OTUD5: variants seen among roughly 807,000 people sequenced by gnomAD.
OTUD5 encodes OTU domain-containing protein 5.
In OTUD5, 2 loss-of-function variants were observed where a neutral mutation model predicts 36.3. That is an observed-to-expected ratio of 0.06 (90% confidence interval 0.02 to 0.17). The LOEUF (loss-of-function observed/expected upper bound fraction) is 0.17, where lower values mean the gene tolerates loss of function less well. Ranked by LOEUF, OTUD5 falls within the 10% of genes least tolerant of loss-of-function variation. The probability of loss-of-function intolerance (pLI) is 1.00; values close to 1 mark genes in which losing one functional copy is unlikely to be tolerated. For missense variants in OTUD5, 233 were observed against 512.3 expected (o/e 0.45, Z 5.26); for synonymous variants, 234 against 214.9 (o/e 1.09, Z -0.78).
upstream of OTUD5, chrX:48,957,722 C>A (rs2064279374): frequency 1.4e-6 from 1 of 690,836 alleles, no homozygotes. Flanking sequence ...CCCTCGGCGG[C>A]GGAGGAGGCG....
chrX:48,925,966 G>A lies in OTUD5; in HGVS notation c.1144C>T (p.Arg382Trp). ...TTTGTGGCCTCCCAGTCTGTGGCCCGTTTCTTGTCTTCTAGCATCTGCTGT... is the reference window on the plus strand; with the variant it reads ...TTTGTGGCCTCCCAGTCTGTGGCCCATTTCTTGTCTTCTAGCATCTGCTGT... ...IEQQMLEDKK[R>W]ATDWEATNEA... is the part of the protein sequence containing the mutation. The change falls in exon 6 of 9, where the codon CGG becomes TGG. Residue 382 changes from arginine to tryptophan, a missense_variant. By Grantham distance (101) the Arg-to-Trp change is moderately radical. Coordinates refer to ENST00000376488, the MANE Select transcript of OTUD5 (RefSeq NM_001136157.2). 2 of 1,208,740 alleles carry A rather than the reference G, an allele frequency of 1.7e-6. No individual in the cohort carries two copies. Among genetic ancestry groups the A allele is most frequent in the Non-Finnish European group, 2.2e-6 (2 of 892,937 alleles).
rs2063593957 is a variant in OTUD5, at chrX:48,922,311, C to T, written c.*863G>A. On this transcript the variant is annotated 3_prime_UTR_variant, in exon 9 of 9. Coordinates refer to ENST00000376488, the MANE Select transcript of OTUD5 (RefSeq NM_001136157.2). Reference sequence around the variant, plus strand: ...GCCCCATCTGCCAAGGCTGCTCCCACACTCCCTACACTCAAATCCCGGGTG... The same window carrying T: ...GCCCCATCTGCCAAGGCTGCTCCCATACTCCCTACACTCAAATCCCGGGTG... 1 of 119,252 alleles carries T rather than the reference C, an allele frequency of 8.4e-6. No individual in the cohort carries two copies. Among genetic ancestry groups the T allele is most frequent in the African/African-American group, 3.2e-5 (1 of 30,898 alleles). The allele number at this position is 119,252 out of a possible 1,213,427, so 9.8% of individuals were successfully genotyped here.
At chrX:48,936,808 T>G (rs1163830505) in intron 2 of OTUD5, among the ~76,000 whole-genome samples, 1 of 111,905 alleles carries the variant, frequency 8.9e-6, no homozygotes, top group East Asian at 2.8e-4. Context: ...CATGCAAGTC[T>G]GATTTCCACT....
intron 6 of OTUD5, 73 bp from the exon 7 acceptor site, chrX:48,924,125 T>A: frequency 1.0e-6 from 1 of 992,530 alleles, no homozygotes; most frequent in Non-Finnish European, 1.4e-6. Context: ...CCCTGAATGC[T>A]GGCTCCCTTC....
At chrX:48,957,651 G>A (rs781815107), upstream of OTUD5, 6,148 of 789,434 alleles carry the variant, frequency 7.8e-3, 22 homozygotes, top group Non-Finnish European at 8.4e-3. Context: ...CTAGTGTAGT[G>A]CGCGAGGCAC....
chrX:48,956,548 T>C (rs2064244346), intron 1 of OTUD5, among the ~76,000 whole-genome samples: 1 of 111,458 alleles, frequency 9.0e-6, no homozygotes, highest in Non-Finnish European at 1.9e-5. Flanking sequence ...CTTATTTGAC[T>C]TTCCTGGAAG....
At chrX:48,924,125 T>C in intron 6 of OTUD5, 73 bp from the exon 7 acceptor site, 1 of 992,530 alleles carries the variant, frequency 1.0e-6, no homozygotes, top group Admixed American at 2.6e-5. Context: ...CCCTGAATGC[T>C]GGCTCCCTTC....
chrX:48,931,293 A>G (rs1001165160), intron 5 of OTUD5, among the ~76,000 whole-genome samples: 2 of 112,275 alleles, frequency 1.8e-5, no homozygotes, highest in African/African-American at 6.5e-5. Context: ...TGTAATGACA[A>G]TGGCACTTTA....
intron 5 of OTUD5, among the ~76,000 whole-genome samples, chrX:48,929,225 A>T (rs781806010): frequency 9.3e-6 from 1 of 107,732 alleles, no homozygotes; most frequent in Non-Finnish European, 1.9e-5. Context: ...TGTCTCTACT[A>T]AAAATCAAAA....
chrX:48,924,617 C>G (rs1488099588), intron 6 of OTUD5, among the ~76,000 whole-genome samples: 1 of 111,812 alleles, frequency 8.9e-6, no homozygotes, highest in Non-Finnish European at 1.9e-5. Flanking sequence ...TCGGATACAC[C>G]GGCCTCCCTC....
chrX:48,922,396 G>T lies in OTUD5; in HGVS notation c.*778C>A. 3.4e-6 allele frequency: 1 copy of T among 294,916 alleles called. No individual in the cohort carries two copies. Among genetic ancestry groups the T allele is most frequent in the Non-Finnish European group, 4.6e-6 (1 of 219,356 alleles). 24.3% of individuals were successfully genotyped at this position (294,916 alleles called of 1,213,427 possible). A position where few individuals can be genotyped will look rare whatever the true frequency, so the allele number is the denominator to read the frequency against. ...AGATTCCAAAGAAGCTAGTGGTGGT[G>T]GAAGCAAAAGGAATGCAGCAAGGTC... On this transcript the variant is annotated 3_prime_UTR_variant, in exon 9 of 9. Transcript: ENST00000376488.
At chrX:48,944,684 G>T (rs1034094513) in intron 1 of OTUD5, among the ~76,000 whole-genome samples, 1 of 111,940 alleles carries the variant, frequency 8.9e-6, no homozygotes, top group Non-Finnish European at 1.9e-5. Context: ...GGGGTAACTA[G>T]CAAGAGCCTA....
In OTUD5 at chrX:48,956,312, C is replaced by T. The variant is rs782325125; in HGVS notation, c.594+665G>A. 3.8e-5 allele frequency among the ~76,000 whole-genome samples: 4 copies of T among 104,089 alleles called. No individual in the cohort carries two copies. The East Asian group carries it at 1.2e-3, about 32-fold the overall frequency. 90.4% of individuals were successfully genotyped at this position (104,089 alleles called of 115,157 possible). A position where few individuals can be genotyped will look rare whatever the true frequency, so the allele number is the denominator to read the frequency against. ...AGAAGATCCCTATCCTTAAAGGGGG[C>T]GTGTGTGTGTGTGTGTGTGTCAGGA... On this transcript the variant is annotated intron_variant, in intron 1 of 8. Transcript: ENST00000376488.
At chrX:48,957,725 A>AGGC (rs1203143147), upstream of OTUD5, 7,562 of 372,367 alleles carry the variant, frequency 0.02, 37 homozygotes, top group South Asian at 0.037. Context: ...TCGGCGGCGG[A>AGGC]GGAGGCGGCG....
intron 1 of OTUD5, among the ~76,000 whole-genome samples, chrX:48,945,134 T>A (rs1034104292): frequency 6.3e-5 from 7 of 110,967 alleles, no homozygotes; most frequent in Non-Finnish European, 1.1e-4. Context: ...TATGTATGTA[T>A]ACAAACACAC....
chrX:48,938,458 C>T (rs782224710), intron 2 of OTUD5, among the ~76,000 whole-genome samples: 9 of 110,847 alleles, frequency 8.1e-5, no homozygotes, highest in Non-Finnish European at 1.1e-4. Flanking sequence ...TTTGGGAGGC[C>T]GACGCAGGTG....
At chrX:48,932,207 G>A (rs1557049012) in intron 5 of OTUD5, among the ~76,000 whole-genome samples, 1 of 107,542 alleles carries the variant, frequency 9.3e-6, no homozygotes, top group Non-Finnish European at 1.9e-5. Context: ...AATAATAGCA[G>A]AACTGTGTTT....
chrX:48,934,509 C>T lies in OTUD5; in HGVS notation c.1014G>A (p.Lys338=). Residue 338 remains lysine, a synonymous_variant, in exon 5 of 9, where the codon AAG becomes AAA. Coordinates refer to ENST00000376488, the MANE Select transcript of OTUD5 (RefSeq NM_001136157.2). The part of the protein sequence containing the change: ...IHYNSVVNPN[K]ATIGVGLGLP... ...GGCCCAGCCCCACACCAATGGTGGC[C>T]TTGTTAGGATTCACCACTGAATTAT... is the stretch of plus-strand genomic sequence containing the variant. 1 of 1,210,125 alleles carries T rather than the reference C, an allele frequency of 8.3e-7. No homozygotes were observed. The highest frequency in any genetic ancestry group is 1.7e-5 in the African/African-American group (1 of 57,673).
At position 48,923,625 on chromosome X, in the gene OTUD5, A is replaced by G; in HGVS notation, c.1579+8T>C. 1 of 1,154,305 alleles carries G rather than the reference A, an allele frequency of 8.7e-7. No individual in the cohort carries two copies. Among genetic ancestry groups the G allele is most frequent in the South Asian group, 1.8e-5 (1 of 54,352 alleles). The stretch of plus-strand genomic sequence containing the variant: ...CAGCCTCCATCCCCCCAGACAAAGG[A>G]GGCTTACCAAAGGCAGAGGGGGACA... On this transcript the variant is annotated splice_region_variant and intron_variant, in intron 8 of 8. Transcript: ENST00000376488.
Sources: gnomAD v4.1 joint callset for allele counts (sites outside exome capture counted in the v4.1 genomes callset) on GRCh38, gnomAD v4.1.1 for gene constraint, MANE v1.5 for transcripts, NCBI Gene and HGNC (gene_info 2026-07-23, HGNC 2026-07-21) for gene names.